Variants in TENM4 observed in about 807,000 individuals in gnomAD.
TENM4 encodes the protein teneurin-4.
In TENM4, 82 loss-of-function variants were observed where a neutral mutation model predicts 243.3. The ratio of observed to expected loss-of-function variants is 0.34; its 90% confidence interval spans 0.28 to 0.40. The LOEUF is 0.40. Ranked by LOEUF, TENM4 falls within the 10% of genes least tolerant of loss-of-function variation. TENM4 has a pLI of 1.00. For synonymous variants in TENM4, 1,412 were observed against 1,456.3 expected (o/e 0.97, Z 0.69); for missense variants, 3,138 against 3,673.3 (o/e 0.85, Z 3.77).
At chr11:78,684,709 T>C (rs962659208) in intron 29 of TENM4, among the ~76,000 whole-genome samples, 2 of 152,172 alleles carry the variant, frequency 1.3e-5, no homozygotes, top group Non-Finnish European at 2.9e-5. Flanking sequence ...CTACCTAACC[T>C]CCGAGTGCTT....
intron 1 of TENM4, among the ~76,000 whole-genome samples, chr11:79,429,044 G>T (rs945595563): frequency 6.6e-6 from 1 of 152,124 alleles, no homozygotes; most frequent in African/African-American, 2.4e-5. Context: ...CTAATGCACC[G>T]CCAGGGTCAA....
chr11:78,676,282 C>G lies in TENM4; in HGVS notation c.5366G>C (p.Gly1789Ala). 1 of 1,612,820 alleles carries G rather than the reference C, an allele frequency of 6.2e-7. No individual in the cohort carries two copies. Among genetic ancestry groups the G allele is most frequent in the South Asian group, 1.1e-5 (1 of 91,032 alleles). Residue 1789 changes from glycine (G) to alanine (A), a missense_variant, in exon 30 of 34, where the codon GGC becomes GCC. Around this residue, in one of 2 missense-constraint regions of TENM4, gnomAD observed 2,467 missense variants for 3,059.1 expected, o/e 0.81. Transcript: ENST00000278550. Reference protein sequence around the residue: ...ALQTEPHLLAGTVNPTVGKRN... With the variant: ...ALQTEPHLLAATVNPTVGKRN... ...CTTGCCCACGGTGGGGTTGACGGTG[C>G]CAGCCAGCAAGTGGGGCTCAGTCTG... is the stretch of plus-strand genomic sequence containing the variant.
intron 1 of TENM4, among the ~76,000 whole-genome samples, chr11:79,436,525 G>C (rs2135624323): frequency 6.6e-6 from 1 of 152,354 alleles, no homozygotes; most frequent in Non-Finnish European, 1.5e-5. Flanking sequence ...ACAAAAGATT[G>C]AGGAGACTAT....
chr11:79,402,546 G>A (rs1858484014), intron 1 of TENM4, among the ~76,000 whole-genome samples: 1 of 152,082 alleles, frequency 6.6e-6, no homozygotes, highest in African/African-American at 2.4e-5. Context: ...CCAGGCTACT[G>A]ACACCTGTCT....
intron 1 of TENM4, among the ~76,000 whole-genome samples, chr11:79,319,210 C>T (rs1443513510): frequency 1.3e-5 from 2 of 152,124 alleles, no homozygotes; most frequent in Non-Finnish European, 2.9e-5. Context: ...ACTCCAAATC[C>T]CTTTTCCTTA....
chr11:79,332,326 A>C (rs1857074109), intron 1 of TENM4, among the ~76,000 whole-genome samples: 1 of 152,166 alleles, frequency 6.6e-6, no homozygotes, highest in Non-Finnish European at 1.5e-5. Context: ...TTAGCATGAA[A>C]GACTAAGGCC....
chr11:79,134,625 T>C (rs867061668), intron 4 of TENM4, among the ~76,000 whole-genome samples: 1 of 151,972 alleles, frequency 6.6e-6, no homozygotes. Flanking sequence ...ACCAAAACAG[T>C]GTGGAACTGG....
intron 2 of TENM4, among the ~76,000 whole-genome samples, chr11:79,284,621 T>C (rs986092514): frequency 2.6e-5 from 4 of 152,290 alleles, no homozygotes; most frequent in African/African-American, 9.6e-5. Flanking sequence ...GAATAAATTC[T>C]CATTACTTTA....
chr11:79,205,341 TC>T (rs1398565367), intron 3 of TENM4, among the ~76,000 whole-genome samples: 2 of 152,200 alleles, frequency 1.3e-5, no homozygotes, highest in Non-Finnish European at 2.9e-5. Context: ...TTACTGGTAC[TC>T]ATGTGTGTAT....
chr11:79,125,976 T>C (rs1861866814), intron 4 of TENM4, among the ~76,000 whole-genome samples: 1 of 152,206 alleles, frequency 6.6e-6, no homozygotes, highest in Non-Finnish European at 1.5e-5. Context: ...TGGGAACGGA[T>C]ATTAAGGGTG....
chr11:78,981,728 C>T (rs979637188), intron 6 of TENM4, among the ~76,000 whole-genome samples: 5 of 152,192 alleles, frequency 3.3e-5, no homozygotes, highest in African/African-American at 4.8e-5. Flanking sequence ...TTGAAGCTAA[C>T]GATAATCATT....
intron 3 of TENM4, among the ~76,000 whole-genome samples, chr11:79,156,640 A>G (rs1423493785): frequency 6.6e-6 from 1 of 151,842 alleles, no homozygotes; most frequent in Non-Finnish European, 1.5e-5. Context: ...AGCTTCCAGC[A>G]CCCTCCTTTT....
chr11:79,426,002 A>C (rs755663154), intron 1 of TENM4, among the ~76,000 whole-genome samples: 1 of 152,186 alleles, frequency 6.6e-6, no homozygotes, highest in African/African-American at 2.4e-5. Context: ...GTCTTTCAGA[A>C]ACCTACTTTG....
At chr11:78,934,860 T>G (rs116820426) in intron 6 of TENM4, among the ~76,000 whole-genome samples, 1,866 of 145,010 alleles carry the variant, frequency 0.013, 54 homozygotes, top group African/African-American at 0.051. Flanking sequence ...TATATGCAAG[T>G]TTTTTTTATT....
intron 1 of TENM4, among the ~76,000 whole-genome samples, chr11:79,436,404 G>A (rs1253329253): frequency 6.6e-6 from 1 of 152,090 alleles, no homozygotes; most frequent in Non-Finnish European, 1.5e-5. Flanking sequence ...CATTTTACAG[G>A]GGAGAGGACT....
intron 6 of TENM4, among the ~76,000 whole-genome samples, chr11:79,020,579 C>T (rs1684035805): frequency 6.6e-6 from 1 of 151,372 alleles, no homozygotes; most frequent in South Asian, 2.1e-4. Flanking sequence ...CTCTGAAAGC[C>T]TTTAAACCCT....
At chr11:79,143,989 AC>A (rs1333159497) in intron 4 of TENM4, among the ~76,000 whole-genome samples, 2 of 152,052 alleles carry the variant, frequency 1.3e-5, no homozygotes, top group African/African-American at 4.8e-5. Context: ...GCAAAGAAAA[AC>A]AATATCAACA....
At chr11:79,288,603 A>G (rs1856299010) in intron 2 of TENM4, among the ~76,000 whole-genome samples, 1 of 152,230 alleles carries the variant, frequency 6.6e-6, no homozygotes. Context: ...CAACAGACCT[A>G]CGATAAATCC....
intron 9 of TENM4, among the ~76,000 whole-genome samples, chr11:78,867,195 CTTTA>C (rs1416815325): frequency 6.6e-6 from 1 of 151,968 alleles, no homozygotes; most frequent in African/African-American, 2.4e-5. Context: ...TAGCACAGTT[CTTTA>C]TTTATTCTAT....
Sources: allele counts gnomAD v4.1 joint callset (sites outside exome capture counted in the v4.1 genomes callset), GRCh38; gene constraint gnomAD v4.1.1; regional missense constraint gnomAD v4.1.1; transcripts MANE v1.5; gene names NCBI Gene and HGNC (gene_info 2026-07-23, HGNC 2026-07-21).